Variants in EHMT1 observed in about 807,000 individuals in gnomAD.
EHMT1 encodes the protein histone-lysine N-methyltransferase EHMT1.
Under a neutral mutation model 147.2 loss-of-function variants are expected in EHMT1, and 15 were observed. The observed-to-expected ratio is 0.10, with a 90% CI of 0.07 to 0.16. EHMT1 has a LOEUF of 0.16. Among genes scored for constraint, EHMT1 ranks in the 10% least tolerant of loss-of-function variants. EHMT1 has a pLI of 1.00. For synonymous variants in EHMT1, 795 were observed against 709.6 expected (o/e 1.12, Z -1.91); for missense variants, 1,587 against 1,772.4 (o/e 0.90, Z 1.88).
At chr9:137,799,761 G>T (rs1953291379) in intron 17 of EHMT1, among the ~76,000 whole-genome samples, 1 of 152,238 alleles carries the variant, frequency 6.6e-6, no homozygotes, top group Non-Finnish European at 1.5e-5. Flanking sequence ...GGCTGTGGCA[G>T]CGTCCCCATG....
At chr9:137,825,625 G>A (rs1442098373) in intron 25 of EHMT1, among the ~76,000 whole-genome samples, 2 of 152,302 alleles carry the variant, frequency 1.3e-5, no homozygotes, top group African/African-American at 4.8e-5. Flanking sequence ...TGATGCTCTT[G>A]TATTTGAAGG....
intron 16 of EHMT1, among the ~76,000 whole-genome samples, chr9:137,798,352 T>C (rs560797963): frequency 7.9e-5 from 12 of 151,706 alleles, no homozygotes; most frequent in Non-Finnish European, 1.5e-4. Context: ...TGGTGAGCTG[T>C]GATCGCACCA....
At chr9:137,809,652 C>T (rs947260688) in intron 18 of EHMT1, among the ~76,000 whole-genome samples, 1 of 152,260 alleles carries the variant, frequency 6.6e-6, no homozygotes, top group Non-Finnish European at 1.5e-5. Context: ...ACTTCAGGAA[C>T]GTGAAACGCT....
In EHMT1 at chr9:137,731,023, G is replaced by A. The variant is rs1422111714; in HGVS notation, c.823+2494G>A. Among the ~76,000 whole-genome samples the A allele has an allele frequency of 6.6e-6, 1 of 152,224 alleles. No homozygotes were observed. Among genetic ancestry groups the A allele is most frequent in the Non-Finnish European group, 1.5e-5 (1 of 68,036 alleles). ...ACTTAAAAGTAATGTCTGAAGAGTT[G>A]TTAAAGTGTTGAGATTTTCTTTTCC... is the stretch of plus-strand genomic sequence containing the variant. On this transcript the variant is annotated intron_variant, in intron 4 of 26. Coordinates refer to ENST00000460843, the MANE Select transcript of EHMT1 (RefSeq NM_024757.5). This position sits in a 1 kb window ranked among gnomAD's most constrained non-coding sequence, Gnocchi z 4.3.
At chr9:137,659,322 A>G (rs1463427157) in intron 1 of EHMT1, among the ~76,000 whole-genome samples, 3 of 151,640 alleles carry the variant, frequency 2.0e-5, no homozygotes, top group African/African-American at 7.3e-5. Flanking sequence ...AGTTCTTTGT[A>G]TATTCTTAAT....
At chr9:137,821,632 TCAC>T (rs1002765564) in intron 25 of EHMT1, among the ~76,000 whole-genome samples, 7 of 152,188 alleles carry the variant, frequency 4.6e-5, no homozygotes, top group Admixed American at 1.3e-4. Context: ...GTGCCCAGCT[TCAC>T]CATAGAGTTT....
At chr9:137,755,185 G>A (rs1341933126) in intron 8 of EHMT1, among the ~76,000 whole-genome samples, 1 of 152,180 alleles carries the variant, frequency 6.6e-6, no homozygotes, top group Non-Finnish European at 1.5e-5. Context: ...GATGATCAGT[G>A]CCATGAGCTC....
At chr9:137,814,951 G>A (rs1954802677) in intron 22 of EHMT1, 2 of 295,236 alleles carry the variant, frequency 6.8e-6, no homozygotes, top group South Asian at 6.8e-5. Flanking sequence ...GTTTCTGTTG[G>A]GTGCTGGTCC....
At chr9:137,636,604 A>G (rs565987926) in intron 1 of EHMT1, among the ~76,000 whole-genome samples, 12 of 152,194 alleles carry the variant, frequency 7.9e-5, no homozygotes, top group African/African-American at 2.4e-4. Context: ...TTCATTATAA[A>G]GGGGTTTTGG....
At chr9:137,628,811 C>CAGAGCCAGAGGTGGGGCT (rs1489348520) in intron 1 of EHMT1, among the ~76,000 whole-genome samples, 9 of 152,206 alleles carry the variant, frequency 5.9e-5, no homozygotes, top group Admixed American at 2.6e-4. Flanking sequence ...CACACGTGGC[C>CAGAGCCAGAGGTGGGGCT]AGAGCCAGAG....
intron 3 of EHMT1, among the ~76,000 whole-genome samples, chr9:137,719,808 A>G (rs537814101): frequency 1.3e-5 from 2 of 152,038 alleles, no homozygotes; most frequent in South Asian, 2.1e-4. Context: ...ACACCACTAC[A>G]GTCGAGATGC....
rs911403011 is a variant in EHMT1, at chr9:137,776,519, C to T, written c.1792-99C>T. On this transcript the variant is annotated intron_variant, in intron 11 of 26. Coordinates refer to ENST00000460843, the MANE Select transcript of EHMT1 (RefSeq NM_024757.5). This position sits in a 1 kb window ranked among gnomAD's most constrained non-coding sequence, Gnocchi z 4.4. ...CCGACCCATGGCTCACTCTGCAGAC[C>T]GCCCGATGTGGGATGCGGTGCCAGT... 15 of 1,238,116 alleles carry T rather than the reference C, an allele frequency of 1.2e-5. No individual in the cohort carries two copies. In the East Asian group the frequency reaches 1.8e-4, roughly 15 times the overall value. 76.7% of individuals were successfully genotyped at this position (1,238,116 alleles called of 1,614,324 possible). A position where few individuals can be genotyped will look rare whatever the true frequency, so the allele number is the denominator to read the frequency against.
intron 25 of EHMT1, among the ~76,000 whole-genome samples, chr9:137,824,108 T>G (rs1189996416): frequency 6.6e-6 from 1 of 152,124 alleles, no homozygotes; most frequent in Non-Finnish European, 1.5e-5. Context: ...AGAAGTCTTA[T>G]GTAAAAATGC....
At chr9:137,648,706 C>T (rs1379954900) in intron 1 of EHMT1, among the ~76,000 whole-genome samples, 5 of 152,136 alleles carry the variant, frequency 3.3e-5, no homozygotes, top group African/African-American at 9.7e-5. Context: ...CATGTTAGTT[C>T]TCCCAAGTTA....
chr9:137,697,376 C>T lies in EHMT1; in HGVS notation c.22-13591C>T, dbSNP rs573546648. Among the ~76,000 whole-genome samples the T allele has an allele frequency of 5.1e-4, 77 of 152,320 alleles. 1 individual carries two copies. Among genetic ancestry groups the T allele is most frequent in the Admixed American group, 4.8e-3 (73 of 15,296 alleles). ...TCTGTGGGGGTCTCTGGTTCCAGGG[C>T]AGGCACTCCTGGAGCTCATTTGCCC... On this transcript the variant is annotated intron_variant, in intron 1 of 26. Transcript: ENST00000460843.
intron 4 of EHMT1, among the ~76,000 whole-genome samples, chr9:137,730,482 G>T (rs1257891287): frequency 2.0e-5 from 3 of 152,150 alleles, no homozygotes; most frequent in Admixed American, 1.3e-4. Context: ...TAGAGATGGG[G>T]GTCTCGCTAT....
At chr9:137,721,822 C>T (rs749048194) in intron 3 of EHMT1, among the ~76,000 whole-genome samples, 1 of 152,164 alleles carries the variant, frequency 6.6e-6, no homozygotes, top group Non-Finnish European at 1.5e-5. Context: ...GTATTTTCTG[C>T]TGGTCTGAAG....
At position 137,659,556 on chromosome 9, in the gene EHMT1, A is replaced by AT. The variant is rs750059438; in HGVS notation, c.21+40523dup. 3.9e-3 allele frequency among the ~76,000 whole-genome samples: 548 copies of AT among 140,866 alleles called. 3 individuals carry two copies. Among genetic ancestry groups the AT allele is most frequent in the South Asian group, 9.2e-3 (40 of 4,368 alleles). 92.4% of individuals were successfully genotyped at this position (140,866 alleles called of 152,430 possible). On this transcript the variant is annotated intron_variant, in intron 1 of 26. Transcript: ENST00000460843. ...CGCCATGCCTGGGTCCCTTTAAAAAATTTTTTTTTTTTTTTTGGAGACAGA... is the reference window on the plus strand; with the variant it reads ...CGCCATGCCTGGGTCCCTTTAAAAAATTTTTTTTTTTTTTTTTGGAGACAGA...
intron 8 of EHMT1, among the ~76,000 whole-genome samples, chr9:137,755,140 A>G (rs1588538186): frequency 6.6e-6 from 1 of 152,290 alleles, no homozygotes; most frequent in East Asian, 1.9e-4. Context: ...ACAAGTTTTA[A>G]CATGCTTATG....
Sources: allele counts gnomAD v4.1 joint callset (sites outside exome capture counted in the v4.1 genomes callset), GRCh38; gene constraint gnomAD v4.1.1; non-coding constraint Gnocchi (gnomAD v3.1); transcripts MANE v1.5; gene names NCBI Gene and HGNC (gene_info 2026-07-23, HGNC 2026-07-21).